RANBP2: variants seen among roughly 807,000 people sequenced by gnomAD.
RANBP2 encodes the protein E3 SUMO-protein ligase RanBP2.
A neutral mutation model predicts 303.6 loss-of-function variants in RANBP2; 57 were observed. The ratio of observed to expected loss-of-function variants is 0.19; its 90% CI spans 0.15 to 0.23. The LOEUF (loss-of-function observed/expected upper bound fraction) is 0.23. RANBP2 is among the 10% of genes least tolerant of loss of function. RANBP2 has a pLI of 1.00. For missense variants in RANBP2, 3,138 were observed against 3,780.8 expected (o/e 0.83, Z 4.46); for synonymous variants, 1,167 against 1,301.5 (o/e 0.90, Z 2.23).
chr2:109,484,211 C>T, the RANBP2 span, among the ~76,000 whole-genome samples: 5 of 152,062 alleles, frequency 3.3e-5, no homozygotes, highest in East Asian at 3.9e-4. Flanking sequence ...GGATTACAGG[C>T]GCTTGCCACC....
the RANBP2 span, among the ~76,000 whole-genome samples, chr2:108,974,020 A>G: frequency 9.9e-3 from 1,502 of 152,276 alleles, 33 homozygotes; most frequent in African/African-American, 0.035. Context: ...AAATAGAAAT[A>G]ATAAGAAAAA....
chr2:109,527,959 A>C, the RANBP2 span, among the ~76,000 whole-genome samples: 1 of 152,158 alleles, frequency 6.6e-6, no homozygotes, highest in African/African-American at 2.4e-5. Flanking sequence ...GAGGATGTGC[A>C]GAGTGGAGAC....
chr2:108,973,732 A>T, the RANBP2 span, among the ~76,000 whole-genome samples: 3 of 152,170 alleles, frequency 2.0e-5, no homozygotes, highest in Admixed American at 6.5e-5. Flanking sequence ...AAACCTGGAA[A>T]TTTTTTGGCT....
At chr2:109,335,546 C>G in the RANBP2 span, among the ~76,000 whole-genome samples, 1 of 152,216 alleles carries the variant, frequency 6.6e-6, no homozygotes, top group African/African-American at 2.4e-5. Context: ...TTCACCCTAT[C>G]CCCATCCCAG....
At chr2:109,281,140 A>G in the RANBP2 span, among the ~76,000 whole-genome samples, 1 of 152,218 alleles carries the variant, frequency 6.6e-6, no homozygotes, top group South Asian at 2.1e-4. Context: ...CACCTATGCC[A>G]TAGGAAATGG....
chr2:109,263,214 C>T, the RANBP2 span, among the ~76,000 whole-genome samples: 1 of 152,060 alleles, frequency 6.6e-6, no homozygotes, highest in Admixed American at 6.6e-5. Flanking sequence ...TTATAATGAC[C>T]CGGCTGTCTT....
the RANBP2 span, among the ~76,000 whole-genome samples, chr2:109,240,660 C>T: frequency 2.0e-5 from 3 of 152,118 alleles, no homozygotes; most frequent in East Asian, 1.9e-4. Context: ...CGGATTATTT[C>T]ACACGAACCA....
At chr2:109,005,157 G>C in the RANBP2 span, among the ~76,000 whole-genome samples, 2 of 152,172 alleles carry the variant, frequency 1.3e-5, no homozygotes, top group Non-Finnish European at 2.9e-5. Flanking sequence ...CTGTGTGCCA[G>C]GCCCCACTGT....
the RANBP2 span, among the ~76,000 whole-genome samples, chr2:109,059,106 GA>G: frequency 6.6e-6 from 1 of 152,138 alleles, no homozygotes; most frequent in Non-Finnish European, 1.5e-5. Flanking sequence ...CGGGGGTGGG[GA>G]AGGGGAGTTA....
the RANBP2 span, among the ~76,000 whole-genome samples, chr2:109,608,431 T>C: frequency 2.0e-5 from 3 of 152,334 alleles, no homozygotes; most frequent in East Asian, 1.9e-4. Context: ...CAGGATAAAC[T>C]TGATCTGATT....
chr2:109,647,190 A>T, the RANBP2 span, among the ~76,000 whole-genome samples: 1 of 109,676 alleles, frequency 9.1e-6, no homozygotes. Context: ...TTTGAGATGG[A>T]ATCTCGCTCT....
the RANBP2 span, among the ~76,000 whole-genome samples, chr2:108,844,751 T>A: frequency 1.3e-5 from 2 of 150,488 alleles, no homozygotes; most frequent in Non-Finnish European, 3.0e-5. Context: ...TATCCACATT[T>A]TTTTTTTTTT....
chr2:109,154,032 G>C, the RANBP2 span, among the ~76,000 whole-genome samples: 1 of 152,216 alleles, frequency 6.6e-6, no homozygotes, highest in Non-Finnish European at 1.5e-5. Context: ...GGTGGACATG[G>C]AACTGCAGAC....
chr2:108,752,024 G>A (rs749820940), intron 12 of RANBP2, 30 bp downstream of exon 12: 1 of 1,608,062 alleles, frequency 6.2e-7, no homozygotes, highest in Non-Finnish European at 8.5e-7. Context: ...CATTTTTAAA[G>A]AACATTACCT....
chr2:108,771,891 A>C lies in RANBP2; in HGVS notation c.8020+20A>C, dbSNP rs762494673. Reference sequence around the variant, plus strand: ...AGGATGGTAAAACTTTTGTTATTTCAAAAATCCTCTGTTCCCGCTAATCTT... The same window carrying C: ...AGGATGGTAAAACTTTTGTTATTTCCAAAATCCTCTGTTCCCGCTAATCTT... On this transcript the variant is annotated intron_variant, in intron 21 of 28. Transcript: ENST00000283195. 34 of 1,613,656 alleles carry C rather than the reference A, an allele frequency of 2.1e-5. No homozygotes were observed. Among genetic ancestry groups the C allele is most frequent in the Non-Finnish European group, 2.8e-5 (33 of 1,179,794 alleles).
At chr2:108,743,216 A>G (rs182289063) in intron 7 of RANBP2, among the ~76,000 whole-genome samples, 64 of 152,286 alleles carry the variant, frequency 4.2e-4, no homozygotes, top group African/African-American at 1.3e-3. Context: ...AACTGGGCTC[A>G]AGCTTCCCAG....
At chr2:109,292,554 T>C in the RANBP2 span, among the ~76,000 whole-genome samples, 14 of 152,236 alleles carry the variant, frequency 9.2e-5, no homozygotes, top group Non-Finnish European at 1.9e-4. Context: ...TTCTCTACTT[T>C]AAATGACATC....
the RANBP2 span, chr2:109,615,731 G>T: frequency 6.2e-7 from 1 of 1,613,936 alleles, no homozygotes; most frequent in African/African-American, 1.3e-5. Flanking sequence ...GGCGCTGGAG[G>T]CTTTCAAAGG....
chr2:109,585,811 T>C, the RANBP2 span: 20 of 1,613,782 alleles, frequency 1.2e-5, no homozygotes, highest in Admixed American at 1.2e-4. Flanking sequence ...TGGCCAGACA[T>C]AGTCAACGAA....
Sources: allele counts gnomAD v4.1 joint callset (sites outside exome capture counted in the v4.1 genomes callset), GRCh38; gene constraint gnomAD v4.1.1; transcripts MANE v1.5; gene names NCBI Gene and HGNC (gene_info 2026-07-23, HGNC 2026-07-21).